Variants in GALNTL6 observed in about 807,000 individuals in gnomAD.
GALNTL6 encodes polypeptide N-acetylgalactosaminyltransferase-like 6.
In GALNTL6, 46 loss-of-function variants were observed where a neutral mutation model predicts 73.7. The ratio of observed to expected loss-of-function variants is 0.62; its 90% confidence interval spans 0.49 to 0.80. The LOEUF (loss-of-function observed/expected upper bound fraction) is 0.80. Ranked by LOEUF, GALNTL6 falls within the 30% of genes least tolerant of loss-of-function variation. The pLI, the probability that GALNTL6 is intolerant of heterozygous loss-of-function variation, is 0.00. For synonymous variants in GALNTL6, 259 were observed against 263.7 expected, an observed-to-expected ratio of 0.98 and a Z score of 0.17; for missense variants, 604 against 755.0, an observed-to-expected ratio of 0.80 and a Z score of 2.34.
At chr4:171,895,203 T>C (rs945923619) in intron 2 of GALNTL6, among the ~76,000 whole-genome samples, 1 of 152,208 alleles carries the variant, frequency 6.6e-6, no homozygotes, top group Non-Finnish European at 1.5e-5. Flanking sequence ...AAAATATTAA[T>C]ACAAAGTCTT....
intron 5 of GALNTL6, among the ~76,000 whole-genome samples, chr4:172,698,564 T>C (rs1028674842): frequency 1.3e-5 from 2 of 152,190 alleles, no homozygotes; most frequent in Non-Finnish European, 2.9e-5. Context: ...TGCAGCTCTA[T>C]ACTCTGCTAT....
In GALNTL6 at chr4:171,990,733, AAG is replaced by A. The variant is rs1488732027; in HGVS notation, c.138+176019_138+176020del. On this transcript the variant is annotated intron_variant, in intron 2 of 12. Transcript: ENST00000506823. The stretch of plus-strand genomic sequence containing the variant: ...GTAGTTCTTAGGAGTAAAACTTAAA[AAG>A]AGAAACAATGCATCTTTTATAAAGC... Among the ~76,000 whole-genome samples, 12 of 152,364 alleles carry A rather than the reference AAG, an allele frequency of 7.9e-5. No individual in the cohort carries two copies. In the East Asian group the frequency reaches 2.3e-3, roughly 29 times the overall value.
At chr4:172,326,947 A>T (rs569724621) in intron 4 of GALNTL6, among the ~76,000 whole-genome samples, 2 of 152,128 alleles carry the variant, frequency 1.3e-5, no homozygotes, top group South Asian at 4.1e-4. Context: ...TTACAACAGT[A>T]TACATCCTTG....
chr4:172,818,398 C>T (rs1395808477), intron 7 of GALNTL6, among the ~76,000 whole-genome samples: 2 of 152,180 alleles, frequency 1.3e-5, no homozygotes, highest in East Asian at 1.9e-4. Context: ...ATTATTTTTG[C>T]ACTGCCAGTC....
At chr4:172,617,404 A>C (rs1579248090) in intron 5 of GALNTL6, among the ~76,000 whole-genome samples, 1 of 45,088 alleles carries the variant, frequency 2.2e-5, no homozygotes, top group Admixed American at 1.6e-4. Context: ...AAAGACACTC[A>C]AAAAAAAAAA....
chr4:172,970,433 C>T (rs937495193), intron 10 of GALNTL6, among the ~76,000 whole-genome samples: 4 of 152,098 alleles, frequency 2.6e-5, no homozygotes, highest in African/African-American at 9.7e-5. Flanking sequence ...CATTTATAGA[C>T]CTCCCCCCAG....
intron 5 of GALNTL6, among the ~76,000 whole-genome samples, chr4:172,512,924 T>G (rs1200598738): frequency 1.3e-5 from 2 of 152,154 alleles, no homozygotes; most frequent in Admixed American, 6.5e-5. Context: ...GATGGCTATT[T>G]GTCTAGTTGG....
In GALNTL6 at chr4:172,716,342, T is replaced by A. The variant is rs962121640; in HGVS notation, c.554-93019T>A. ...AGCCGGATCCCCAAAACCCAGTCCA[T>A]GTTATGATGAGCTTACCGAAATGTA... On this transcript the variant is annotated intron_variant, in intron 5 of 12. Transcript: ENST00000506823. 1.6e-4 allele frequency among the ~76,000 whole-genome samples: 25 copies of A among 152,124 alleles called. 1 individual carries two copies. The highest frequency in any genetic ancestry group is 6.6e-5 in the Admixed American group (1 of 15,266).
chr4:172,375,635 A>C (rs938748015), intron 5 of GALNTL6, among the ~76,000 whole-genome samples: 1 of 152,192 alleles, frequency 6.6e-6, no homozygotes, highest in African/African-American at 2.4e-5. Context: ...TGATCGGAAT[A>C]GTTGCACTCA....
intron 2 of GALNTL6, among the ~76,000 whole-genome samples, chr4:172,189,769 A>G (rs1268961621): frequency 6.6e-6 from 1 of 152,132 alleles, no homozygotes; most frequent in Non-Finnish European, 1.5e-5. Context: ...TTAAGATTCT[A>G]TGCAGTTTGT....
intron 5 of GALNTL6, among the ~76,000 whole-genome samples, chr4:172,707,111 G>T (rs1734404302): frequency 6.6e-6 from 1 of 152,152 alleles, no homozygotes; most frequent in Non-Finnish European, 1.5e-5. Context: ...CTGGCAGTTT[G>T]GGGGAGGGGT....
chr4:172,327,013 T>C (rs1172292166), intron 4 of GALNTL6, among the ~76,000 whole-genome samples: 5 of 152,042 alleles, frequency 3.3e-5, no homozygotes, highest in African/African-American at 1.2e-4. Flanking sequence ...CTATTTATAT[T>C]ATAAGCCTAA....
At chr4:172,581,881 T>A (rs1022466732) in intron 5 of GALNTL6, among the ~76,000 whole-genome samples, 1 of 152,220 alleles carries the variant, frequency 6.6e-6, no homozygotes, top group Admixed American at 6.5e-5. Flanking sequence ...TCTTTGATCT[T>A]CAGACCAGGT....
At chr4:172,350,683 T>A (rs572887338) in intron 5 of GALNTL6, among the ~76,000 whole-genome samples, 1 of 152,154 alleles carries the variant, frequency 6.6e-6, no homozygotes, top group African/African-American at 2.4e-5. Flanking sequence ...TTGAAAGAAA[T>A]AGGTGATAAA....
At chr4:172,787,577 C>T (rs555543268) in intron 5 of GALNTL6, among the ~76,000 whole-genome samples, 14 of 152,294 alleles carry the variant, frequency 9.2e-5, no homozygotes, top group African/African-American at 3.4e-4. Context: ...TGTGTCTCTG[C>T]TTCACAGAGG....
At chr4:172,733,117 TTGG>T (rs1349316706) in intron 5 of GALNTL6, among the ~76,000 whole-genome samples, 1 of 152,208 alleles carries the variant, frequency 6.6e-6, no homozygotes, top group Non-Finnish European at 1.5e-5. Flanking sequence ...AACGGGTCTG[TTGG>T]TGGTGAATTC....
intron 5 of GALNTL6, among the ~76,000 whole-genome samples, chr4:172,623,666 C>G (rs560310898): frequency 1.3e-5 from 2 of 152,174 alleles, no homozygotes; most frequent in South Asian, 2.1e-4. Flanking sequence ...AATTTTCCAG[C>G]TTTCTTGCAA....
chr4:171,986,370 A>T (rs943598128), intron 2 of GALNTL6, among the ~76,000 whole-genome samples: 2 of 152,144 alleles, frequency 1.3e-5, no homozygotes, highest in Non-Finnish European at 2.9e-5. Flanking sequence ...ATCTCACAAG[A>T]CAATGTCATC....
intron 8 of GALNTL6, among the ~76,000 whole-genome samples, chr4:172,919,225 T>G (rs991958815): frequency 8.5e-5 from 13 of 152,128 alleles, no homozygotes. Flanking sequence ...AGGAAGCTCG[T>G]GGAAACGGTG....
Sources: gnomAD v4.1 joint callset for allele counts (sites outside exome capture counted in the v4.1 genomes callset) on GRCh38, gnomAD v4.1.1 for gene constraint, MANE v1.5 for transcripts, NCBI Gene and HGNC (gene_info 2026-07-23, HGNC 2026-07-21) for gene names.